Variants in CTRC observed in about 807,000 individuals in gnomAD.
CTRC encodes chymotrypsin C, also known as chymotrypsin-C.
Under a neutral mutation model 35.7 loss-of-function variants are expected in CTRC, and 32 were observed. The observed-to-expected ratio is 0.90, with a 90% CI of 0.68 to 1.20. CTRC has a LOEUF of 1.20. CTRC is among the 50% of genes most tolerant of loss of function. CTRC has a pLI of 0.00. For synonymous variants in CTRC, 119 were observed against 149.5 expected (o/e 0.80, Z 1.49); for missense variants, 324 against 361.5 (o/e 0.90, Z 0.84).
chr1:15,446,022 T>G (rs1708217086), intron 7 of CTRC, among the ~76,000 whole-genome samples: 1 of 147,168 alleles, frequency 6.8e-6, no homozygotes, highest in Non-Finnish European at 1.5e-5. Context: ...ATTCATGCAT[T>G]TATTTACTCA....
chr1:15,438,585 G>C, intron 1 of CTRC, 81 bp downstream of exon 1: 1 of 1,510,080 alleles, frequency 6.6e-7, no homozygotes, highest in African/African-American at 1.4e-5. Context: ...GGGGAGTGGG[G>C]GGGCCTCTGC....
In CTRC at chr1:15,440,341, G is replaced by A. The variant is rs768414501; in HGVS notation, c.82G>A (p.Ala28Thr). 45 of 1,603,594 alleles carry A rather than the reference G, an allele frequency of 2.8e-5. No individual in the cohort carries two copies. The highest frequency in any genetic ancestry group is 1.9e-4 in the Middle Eastern group (1 of 5,350). The change falls in exon 2 of 8, where the codon GCC (alanine) becomes ACC (threonine). Residue 28 changes from alanine (A) to threonine (T), a missense_variant. Transcript: ENST00000375949. ...GVPSFPPNLSARVVGGEDARP... is the reference protein window; with the variant it reads ...GVPSFPPNLSTRVVGGEDARP... ...GCCCAGCTTCCCGCCCAACCTATCC[G>A]CCCGAGTGGTGGGAGGAGAGGATGC...
At chr1:15,446,043 T>C (rs1708217299) in intron 7 of CTRC, among the ~76,000 whole-genome samples, 1 of 152,256 alleles carries the variant, frequency 6.6e-6, no homozygotes, top group South Asian at 2.1e-4. Flanking sequence ...TTCATCCATT[T>C]ATTCACTCAT....
chr1:15,440,352 G>A lies in CTRC; in HGVS notation c.93G>A (p.Val31=). Residue 31 remains valine (V), a synonymous_variant, in exon 2 of 8, where the codon GTG becomes GTA. Coordinates refer to ENST00000375949, the MANE Select transcript of CTRC (RefSeq NM_007272.3). ...CGCCCAACCTATCCGCCCGAGTGGT[G>A]GGAGGAGAGGATGCCCGGCCCCACA... ...SFPPNLSARV[V]GGEDARPHSW... The A allele has an allele frequency of 6.2e-7, 1 of 1,611,984 alleles. No individual in the cohort carries two copies. Among genetic ancestry groups the A allele is most frequent in the Non-Finnish European group, 8.5e-7 (1 of 1,179,532 alleles).
At chr1:15,441,316 G>T in intron 3 of CTRC, among the ~76,000 whole-genome samples, 1 of 152,156 alleles carries the variant, frequency 6.6e-6, no homozygotes, top group East Asian at 1.9e-4. Context: ...AGCTAAAAGG[G>T]GGTTATTTGG....
At chr1:15,441,939 G>T (rs1708139044) in intron 3 of CTRC, among the ~76,000 whole-genome samples, 1 of 151,970 alleles carries the variant, frequency 6.6e-6, no homozygotes, top group African/African-American at 2.4e-5. Context: ...ATGGGGATTT[G>T]CCATGTGGCT....
chr1:15,440,483 C>T lies in CTRC; in HGVS notation c.133-10C>T, dbSNP rs770423335. The T allele has an allele frequency of 1.9e-6, 3 of 1,613,872 alleles. No homozygotes were observed. The highest frequency in any genetic ancestry group is 2.7e-5 in the African/African-American group (2 of 74,938). ...CAGGCTGACACACAGCCCTCCCCAC[C>T]CTCCTGCAGATCTCCCTCCAGTACC... On this transcript the variant is annotated splice_polypyrimidine_tract_variant and intron_variant, in intron 2 of 7. Coordinates refer to ENST00000375949, the MANE Select transcript of CTRC (RefSeq NM_007272.3).
Position 15,447,821 on chromosome 1 carries a change from G to A in CTRC, c.*1232G>A, listed in dbSNP as rs1231040526. The A allele has an allele frequency of 6.6e-6, 1 of 152,256 alleles. No individual in the cohort carries two copies. Among genetic ancestry groups the A allele is most frequent in the African/African-American group, 2.4e-5 (1 of 41,466 alleles). The allele number at this position is 152,256 out of a possible 1,614,324, so 9.4% of individuals were successfully genotyped here. On this transcript the variant is annotated 3_prime_UTR_variant, in exon 8 of 8. Coordinates refer to ENST00000375949, the MANE Select transcript of CTRC (RefSeq NM_007272.3). The stretch of plus-strand genomic sequence containing the variant: ...ACTCCCACACCCCCATGATGCCAAG[G>A]CAAGTCTCAGGAAAGACTTGACTTA...
chr1:15,442,236 C>T (rs1032353102), intron 3 of CTRC, among the ~76,000 whole-genome samples: 5 of 152,118 alleles, frequency 3.3e-5, no homozygotes, highest in African/African-American at 9.7e-5. Flanking sequence ...AACTGAGGCA[C>T]AAGGCTACAC....
chr1:15,446,534 G>T, intron 7 of CTRC, 41 bp from the exon 8 acceptor site: 2 of 1,612,984 alleles, frequency 1.2e-6, no homozygotes, highest in Non-Finnish European at 8.5e-7. Context: ...CTAGAAGGTG[G>T]CACAGCCCTG....
rs1313472485 is a variant in CTRC at position 15,440,382 on chromosome 1, G to A, written c.123G>A (p.Trp41Ter). ...GAGAGGATGCCCGGCCCCACAGCTGGCCCTGGCAGGTAAGCCTGTGTAGGG... is the reference window on the plus strand; with the variant it reads ...GAGAGGATGCCCGGCCCCACAGCTGACCCTGGCAGGTAAGCCTGTGTAGGG... The part of the protein sequence containing the change: ...VGGEDARPHS[W>*]PWQISLQYLK... The change falls in exon 2 of 8, where the codon TGG becomes TGA. Residue 41 changes from tryptophan to a stop codon, truncating the protein, a stop_gained. Transcript: ENST00000375949. LOFTEE classifies it high-confidence loss of function. 1 of 1,612,582 alleles carries A rather than the reference G, an allele frequency of 6.2e-7. No homozygotes were observed. Among genetic ancestry groups the A allele is most frequent in the Non-Finnish European group, 8.5e-7 (1 of 1,179,538 alleles).
chr1:15,444,503 C>T, intron 5 of CTRC, 103 bp from the exon 6 acceptor site: 1 of 1,441,624 alleles, frequency 6.9e-7, no homozygotes, highest in Non-Finnish European at 9.7e-7. Context: ...TCAGCCGGCG[C>T]TCCCCTGGGT....
chr1:15,443,547 G>A lies in CTRC; in HGVS notation c.485G>A (p.Arg162His), dbSNP rs775404479. 61 of 1,614,108 alleles carry A rather than the reference G, an allele frequency of 3.8e-5. No individual in the cohort carries two copies. Among genetic ancestry groups the A allele is most frequent in the African/African-American group, 1.5e-4 (11 of 74,952 alleles). ...CCCTGCTATGTCACCGGCTGGGGCC[G>A]CCTCTGGAGTGAGTATCGTCCCTGG... ...DYPCYVTGWG[R>H]LWTNGPIADK... Residue 162 changes from arginine (R) to histidine (H), a missense_variant, in exon 5 of 8, where the codon CGC becomes CAC. Arg to His is a conservative substitution (Grantham distance 29). Transcript: ENST00000375949.
chr1:15,442,476 G>A lies in CTRC; in HGVS notation c.260G>A (p.Gly87Glu), dbSNP rs371766512. ...SNTRTYRVAV[G>E]KNNLEVEDEE... ...ACCCGGACCTACCGTGTGGCCGTGG[G>A]AAAGAACAACCTGGAGGTGGAAGAC... The change falls in exon 4 of 8, where the codon GGA (glycine) becomes GAA (glutamate). Residue 87 changes from glycine to glutamate, a missense_variant. Physicochemically the swap from Gly to Glu is moderately conservative, Grantham distance 98. Transcript: ENST00000375949. 6.2e-7 allele frequency: 1 copy of A among 1,614,122 alleles called. No homozygotes were observed. The highest frequency in any genetic ancestry group is 8.5e-7 in the Non-Finnish European group (1 of 1,179,992).
At chr1:15,439,899 G>C (rs965849480) in intron 1 of CTRC, among the ~76,000 whole-genome samples, 1 of 152,060 alleles carries the variant, frequency 6.6e-6, no homozygotes, top group East Asian at 1.9e-4. Context: ...GCACCACCAC[G>C]CCTGGCTAAT....
chr1:15,441,116 G>T (rs1303217268), intron 3 of CTRC, among the ~76,000 whole-genome samples: 1 of 152,128 alleles, frequency 6.6e-6, no homozygotes, highest in East Asian at 1.9e-4. Context: ...GGAGGCAGAG[G>T]TTGCAATGAG....
At chr1:15,439,608 C>A (rs2103288748) in intron 1 of CTRC, among the ~76,000 whole-genome samples, 1 of 152,288 alleles carries the variant, frequency 6.6e-6, no homozygotes, top group South Asian at 2.1e-4. Context: ...TTCTTGACCG[C>A]TCCACACAGC....
At chr1:15,443,289 A>C in intron 4 of CTRC, 130 bp from the exon 5 acceptor site, 1 of 996,988 alleles carries the variant, frequency 1.0e-6, no homozygotes, top group Admixed American at 1.7e-5. Flanking sequence ...AGAAGCTGGC[A>C]GTCAGGATGT....
Position 15,446,865 on chromosome 1 carries a change from G to A in CTRC, c.*276G>A. On this transcript the variant is annotated 3_prime_UTR_variant, in exon 8 of 8. Coordinates refer to ENST00000375949, the MANE Select transcript of CTRC (RefSeq NM_007272.3). ...AGGGGGCTGGGGTGGAGAGCCCAGG[G>A]AGTCCTGCGTGAAGCCGGAGGGGAT... 1.7e-6 allele frequency: 1 copy of A among 573,922 alleles called. No homozygotes were observed. Among genetic ancestry groups the A allele is most frequent in the South Asian group, 1.9e-5 (1 of 51,290 alleles). The allele number at this position is 573,922 out of a possible 1,614,324, so 35.6% of individuals were successfully genotyped here.
Sources: gnomAD v4.1 joint callset for allele counts (sites outside exome capture counted in the v4.1 genomes callset) on GRCh38, gnomAD v4.1.1 for gene constraint, MANE v1.5 for transcripts, NCBI Gene and HGNC (gene_info 2026-07-23, HGNC 2026-07-21) for gene names.